The following NSMCE2 variants were observed in gnomAD, a reference collection of about 807,000 sequenced individuals.
NSMCE2 encodes E3 SUMO-protein ligase NSE2.
NSMCE2 carries 24 observed loss-of-function variants against 23.8 expected under a neutral mutation model. The ratio of observed to expected loss-of-function variants is 1.01; its 90% CI spans 0.73 to 1.42. The LOEUF (loss-of-function observed/expected upper bound fraction) is 1.42. Ranked by LOEUF, NSMCE2 falls within the 40% of genes most tolerant of loss-of-function variation. The pLI, the probability that NSMCE2 is intolerant of heterozygous loss-of-function variation, is 0.00. For synonymous variants in NSMCE2, 92 were observed against 94.1 expected (o/e 0.98, Z 0.13); for missense variants, 284 against 296.5 (o/e 0.96, Z 0.31).
At chr8:125,362,659 A>G (rs1392284038) in intron 7 of NSMCE2, among the ~76,000 whole-genome samples, 1 of 152,250 alleles carries the variant, frequency 6.6e-6, no homozygotes, top group East Asian at 1.9e-4. Context: ...CCAGAGTGAC[A>G]CAGCCAGGGG....
chr8:125,152,980 C>T (rs1821117932), intron 4 of NSMCE2, among the ~76,000 whole-genome samples: 1 of 142,970 alleles, frequency 7.0e-6, no homozygotes, highest in South Asian at 2.2e-4. Context: ...CCGCTTGGAC[C>T]CAGGAGGTGG....
intron 5 of NSMCE2, among the ~76,000 whole-genome samples, chr8:125,272,794 T>C (rs538319909): frequency 2.9e-5 from 4 of 140,202 alleles, no homozygotes; most frequent in African/African-American, 1.1e-4. Context: ...TATACACATG[T>C]GTATATATAT....
At chr8:125,139,198 A>G (rs1820227052) in intron 3 of NSMCE2, among the ~76,000 whole-genome samples, 1 of 152,208 alleles carries the variant, frequency 6.6e-6, no homozygotes, top group South Asian at 2.1e-4. Flanking sequence ...TACATGGAGT[A>G]GAAGTTTGTA....
At chr8:125,172,561 C>T (rs952847934) in intron 4 of NSMCE2, among the ~76,000 whole-genome samples, 4 of 152,196 alleles carry the variant, frequency 2.6e-5, no homozygotes, top group East Asian at 1.9e-4. Flanking sequence ...TACCAGGTAC[C>T]GTTTCCAGCT....
intron 5 of NSMCE2, among the ~76,000 whole-genome samples, chr8:125,191,352 A>G (rs923846254): frequency 1.3e-5 from 2 of 152,114 alleles, no homozygotes; most frequent in Admixed American, 1.3e-4. Context: ...CCAATTCTTG[A>G]AAACACTTTT....
chr8:125,227,451 GA>G (rs1365825496), intron 5 of NSMCE2, among the ~76,000 whole-genome samples: 1 of 152,176 alleles, frequency 6.6e-6, no homozygotes, highest in Non-Finnish European at 1.5e-5. Context: ...CTGCCTTACC[GA>G]ATAACGAATC....
At chr8:125,174,353 T>G (rs747215854) in intron 4 of NSMCE2, among the ~76,000 whole-genome samples, 2 of 152,166 alleles carry the variant, frequency 1.3e-5, no homozygotes, top group Non-Finnish European at 2.9e-5. Context: ...ATAATGCATG[T>G]TTCTGTGAAT....
At chr8:125,197,815 A>G (rs1823689695) in intron 5 of NSMCE2, among the ~76,000 whole-genome samples, 1 of 152,202 alleles carries the variant, frequency 6.6e-6, no homozygotes, top group African/African-American at 2.4e-5. Context: ...GATTCTTCCT[A>G]TCCATGAGTA....
At chr8:125,144,400 T>C (rs1820553278) in intron 3 of NSMCE2, among the ~76,000 whole-genome samples, 1 of 152,240 alleles carries the variant, frequency 6.6e-6, no homozygotes, top group Non-Finnish European at 1.5e-5. Flanking sequence ...AAGAATCTTC[T>C]GCTCTCCTAT....
chr8:125,159,188 A>G (rs1821473903), intron 4 of NSMCE2, among the ~76,000 whole-genome samples: 1 of 152,186 alleles, frequency 6.6e-6, no homozygotes, highest in Admixed American at 6.5e-5. Context: ...TGTTATCATT[A>G]TTCTATTTTT....
At chr8:125,279,909 C>G (rs1827626512) in intron 5 of NSMCE2, among the ~76,000 whole-genome samples, 1 of 152,156 alleles carries the variant, frequency 6.6e-6, no homozygotes, top group Non-Finnish European at 1.5e-5. Flanking sequence ...GTAACCCCAG[C>G]GCAGTCATCT....
intron 7 of NSMCE2, among the ~76,000 whole-genome samples, chr8:125,366,092 G>A (rs1384218241): frequency 2.6e-5 from 4 of 152,040 alleles, no homozygotes; most frequent in East Asian, 1.9e-4. Context: ...AGATGTGTTC[G>A]GTGAGGCATG....
chr8:125,156,089 G>C (rs1164199359), intron 4 of NSMCE2: 1 of 382,578 alleles, frequency 2.6e-6, no homozygotes, highest in African/African-American at 2.2e-5. Flanking sequence ...AGATCAGCCT[G>C]GACAACATAG....
At chr8:125,097,740 G>A (rs1369682563) in intron 1 of NSMCE2, among the ~76,000 whole-genome samples, 1 of 152,100 alleles carries the variant, frequency 6.6e-6, no homozygotes, top group African/African-American at 2.4e-5. Flanking sequence ...GTTTTGAGGG[G>A]TTGTGGCAGA....
intron 5 of NSMCE2, among the ~76,000 whole-genome samples, chr8:125,297,183 A>G (rs919852509): frequency 1.4e-4 from 21 of 152,200 alleles, no homozygotes; most frequent in African/African-American, 4.1e-4. Context: ...TTTTTAGTCA[A>G]GGTAAATGTC....
At chr8:125,159,495 A>T (rs949663676) in intron 4 of NSMCE2, among the ~76,000 whole-genome samples, 1 of 152,194 alleles carries the variant, frequency 6.6e-6, no homozygotes, top group Non-Finnish European at 1.5e-5. Context: ...TAATAGGCTT[A>T]CTATAGAGCC....
intron 7 of NSMCE2, among the ~76,000 whole-genome samples, chr8:125,365,661 G>T (rs1813750360): frequency 6.6e-6 from 1 of 151,958 alleles, no homozygotes; most frequent in Admixed American, 6.6e-5. Flanking sequence ...TTCGAGACCA[G>T]CCTGGCCAAC....
chr8:125,179,671 G>T (rs1822697951), intron 4 of NSMCE2, among the ~76,000 whole-genome samples: 1 of 152,158 alleles, frequency 6.6e-6, no homozygotes, highest in African/African-American at 2.4e-5. Flanking sequence ...AAAAGTTCTG[G>T]TTATGGGGGG....
At chr8:125,211,018 C>G (rs1023471983) in intron 5 of NSMCE2, among the ~76,000 whole-genome samples, 1 of 152,142 alleles carries the variant, frequency 6.6e-6, no homozygotes, top group African/African-American at 2.4e-5. Context: ...CAGGTGTGAG[C>G]CACCATGCCT....
Sources: allele counts gnomAD v4.1 joint callset (sites outside exome capture counted in the v4.1 genomes callset), GRCh38; gene constraint gnomAD v4.1.1; transcripts MANE v1.5; gene names NCBI Gene and HGNC (gene_info 2026-07-23, HGNC 2026-07-21).